The following ITGA4 variants were observed in gnomAD, a reference collection of about 807,000 sequenced individuals.
The protein encoded by ITGA4 is integrin subunit alpha 4.
Under a neutral mutation model 133.6 loss-of-function variants are expected in ITGA4, and 63 were observed. That is an observed-to-expected ratio of 0.47 (90% CI 0.38 to 0.58). The LOEUF (loss-of-function observed/expected upper bound fraction) is 0.58. Ranked by LOEUF, ITGA4 falls within the 20% of genes least tolerant of loss-of-function variation. The pLI is 0.00. For missense variants in ITGA4, 1,076 were observed against 1,252.7 expected (o/e 0.86, Z 2.13); for synonymous variants, 483 against 438.0 (o/e 1.10, Z -1.28).
intron 15 of ITGA4, among the ~76,000 whole-genome samples, chr2:181,507,068 A>G (rs1237242408): frequency 6.6e-6 from 1 of 152,158 alleles, no homozygotes; most frequent in Non-Finnish European, 1.5e-5. Context: ...TGAAACAGCC[A>G]TATGAAAAGT....
chr2:181,509,568 A>G, intron 15 of ITGA4, 90 bp from the exon 16 acceptor site: 1 of 879,956 alleles, frequency 1.1e-6, no homozygotes, highest in Non-Finnish European at 1.7e-6. Context: ...TTCCATGTAT[A>G]GTGTTTGGCC....
chr2:181,538,610 G>A lies in ITGA4; in HGVS notation c.*3083G>A, dbSNP rs1574425633. Among the ~76,000 whole-genome samples, 1 of 152,216 alleles carries A rather than the reference G, an allele frequency of 6.6e-6. No homozygotes were observed. Among genetic ancestry groups the A allele is most frequent in the Middle Eastern group, 3.4e-3 (1 of 294 alleles). On this transcript the variant is annotated 3_prime_UTR_variant, in exon 28 of 28. Coordinates refer to ENST00000397033, the MANE Select transcript of ITGA4 (RefSeq NM_000885.6). ...GTTCCTAAACCTGTTTATACCAGTT[G>A]CTATGTAAAATTGTTCCCAAGGGAA... is the stretch of plus-strand genomic sequence containing the variant.
At chr2:181,535,221 G>T (rs1445367050) in intron 27 of ITGA4, among the ~76,000 whole-genome samples, 1 of 152,066 alleles carries the variant, frequency 6.6e-6, no homozygotes, top group Non-Finnish European at 1.5e-5. Context: ...GTATCACTGA[G>T]AATTTCTGCA....
intron 2 of ITGA4, among the ~76,000 whole-genome samples, chr2:181,467,980 G>A (rs756205545): frequency 1.3e-5 from 2 of 152,190 alleles, no homozygotes; most frequent in Non-Finnish European, 2.9e-5. Context: ...TATTTTATGA[G>A]CCAGGTTATA....
intron 2 of ITGA4, among the ~76,000 whole-genome samples, chr2:181,470,240 GAAAAT>G (rs1244717655): frequency 6.6e-6 from 1 of 150,976 alleles, no homozygotes; most frequent in Non-Finnish European, 1.5e-5. Flanking sequence ...TATATCCAAA[GAAAAT>G]AAAATCAATA....
rs57180154 is a variant in ITGA4 at position 181,509,135 on chromosome 2, TAAAAAAAAAAAAAAAA to T, written c.1696-491_1696-476del. On this transcript the variant is annotated intron_variant, in intron 15 of 27. Coordinates refer to ENST00000397033, the MANE Select transcript of ITGA4 (RefSeq NM_000885.6). ...TGACAGAGGGACACATCCCATCTCT[TAAAAAAAAAAAAAAAA>T]AAAAAAAAAAAAAAAAAAAAAAAAA... 7.4e-3 allele frequency among the ~76,000 whole-genome samples: 330 copies of T among 44,674 alleles called. 14 individuals carry two copies. Among genetic ancestry groups the T allele is most frequent in the African/African-American group, 0.011 (114 of 9,952 alleles). 29.3% of individuals were successfully genotyped at this position (44,674 alleles called of 152,430 possible).
Position 181,534,927 on chromosome 2 carries a change from ATGTGG to A in ITGA4, c.2996_3000del (p.Met999LysfsTer6). 1 of 1,572,440 alleles carries A rather than the reference ATGTGG, an allele frequency of 6.4e-7. No homozygotes were observed. Among genetic ancestry groups the A allele is most frequent in the East Asian group, 2.3e-5 (1 of 44,184 alleles). On this transcript the variant is annotated frameshift_variant, in exon 27 of 28. Coordinates refer to ENST00000397033, the MANE Select transcript of ITGA4 (RefSeq NM_000885.6). LOFTEE classifies it high-confidence loss of function. Reference sequence around the variant, plus strand: ...TGTACTTCTATTGATCTCATATGTTATGTGGAAGGTAAGCATTTAACAATTACCAA... The same window carrying A: ...TGTACTTCTATTGATCTCATATGTTAAAGGTAAGCATTTAACAATTACCAA...
At position 181,474,320 on chromosome 2, in the gene ITGA4, T is replaced by G. The variant is rs1685624635; in HGVS notation, c.320-640T>G. Among the ~76,000 whole-genome samples the G allele has an allele frequency of 2.0e-5, 3 of 152,228 alleles. No homozygotes were observed. In the South Asian group the frequency reaches 6.2e-4, roughly 31 times the overall value. On this transcript the variant is annotated intron_variant, in intron 2 of 27. Coordinates refer to ENST00000397033, the MANE Select transcript of ITGA4 (RefSeq NM_000885.6). ...TTCATGCATTTGCCAAAGTATCTAT[T>G]GAAGTTTTTTGTTTACTACTGAGAT...
intron 18 of ITGA4, 62 bp downstream of exon 18, chr2:181,522,403 T>G: frequency 1.6e-6 from 2 of 1,216,296 alleles, no homozygotes; most frequent in Non-Finnish European, 1.1e-6. Context: ...TTTTTAAAAG[T>G]AAATGGTAGA....
At chr2:181,529,517 T>TA (rs753442309) in intron 22 of ITGA4, 24 bp from the exon 23 acceptor site, 2 of 1,191,136 alleles carry the variant, frequency 1.7e-6, no homozygotes, top group Non-Finnish European at 2.5e-6. Context: ...TTTAATTTGT[T>TA]AAAAAATTTT....
Position 181,535,018 on chromosome 2 carries a change from T to G in ITGA4, c.3003+83T>G. On this transcript the variant is annotated intron_variant, in intron 27 of 27. Transcript: ENST00000397033. ...AATTTGACTTCCAAGTTATTAGATT[T>G]AAATATTTCACTATTTGAATGTTAA... is the stretch of plus-strand genomic sequence containing the variant. The G allele has an allele frequency of 2.1e-6, 3 of 1,399,236 alleles. No individual in the cohort carries two copies. In the African/African-American group the frequency reaches 4.4e-5, roughly 20 times the overall value. 86.7% of individuals were successfully genotyped at this position (1,399,236 alleles called of 1,614,324 possible).
intron 20 of ITGA4, 33 bp downstream of exon 20, chr2:181,524,283 A>G (rs1686788257): frequency 1.7e-6 from 2 of 1,194,044 alleles, no homozygotes; most frequent in Admixed American, 4.3e-5. Flanking sequence ...TGAACTAGAA[A>G]TATACCCCCA....
Position 181,527,271 on chromosome 2 carries a change from A to G in ITGA4, c.2340-26A>G, listed in dbSNP as rs1176611416. 3.0e-6 allele frequency: 4 copies of G among 1,344,688 alleles called. No individual in the cohort carries two copies. In the East Asian group the frequency reaches 9.2e-5, roughly 31 times the overall value. The allele number at this position is 1,344,688 out of a possible 1,614,324, so 83.3% of individuals were successfully genotyped here. A position where few individuals can be genotyped will look rare whatever the true frequency, so the allele number is the denominator to read the frequency against. On this transcript the variant is annotated intron_variant, in intron 21 of 27. Coordinates refer to ENST00000397033, the MANE Select transcript of ITGA4 (RefSeq NM_000885.6). Reference sequence around the variant, plus strand: ...AATACGTCATCGAATAAGACAGTTAATTAAATTTGAATTTGTTTTTACCAG... The same window carrying G: ...AATACGTCATCGAATAAGACAGTTAGTTAAATTTGAATTTGTTTTTACCAG...
At chr2:181,509,923 TA>T in intron 16 of ITGA4, 116 bp downstream of exon 16, 1 of 694,116 alleles carries the variant, frequency 1.4e-6, no homozygotes, top group Non-Finnish European at 2.4e-6. Flanking sequence ...TACGAATTTT[TA>T]AAAACAAAAA....
chr2:181,501,269 T>G (rs962316835), intron 15 of ITGA4, among the ~76,000 whole-genome samples: 3 of 152,106 alleles, frequency 2.0e-5, no homozygotes, highest in Non-Finnish European at 4.4e-5. Flanking sequence ...AGAAGAGTAT[T>G]CCAGCGAGAA....
At chr2:181,480,675 G>T (rs2105732274) in intron 6 of ITGA4, among the ~76,000 whole-genome samples, 1 of 152,238 alleles carries the variant, frequency 6.6e-6, no homozygotes, top group African/African-American at 2.4e-5. Flanking sequence ...AGTAAGTATA[G>T]TTTCCTTAAG....
intron 17 of ITGA4, among the ~76,000 whole-genome samples, chr2:181,515,643 A>G (rs1574407057): frequency 1.3e-5 from 2 of 152,072 alleles, no homozygotes; most frequent in East Asian, 3.9e-4. Context: ...ATGTATTTCT[A>G]TTAGATAAAT....
At chr2:181,466,107 A>G (rs1318235574) in intron 2 of ITGA4, among the ~76,000 whole-genome samples, 1 of 151,998 alleles carries the variant, frequency 6.6e-6, no homozygotes, top group Non-Finnish European at 1.5e-5. Flanking sequence ...TTTCTGTGGG[A>G]TTTTGAAGAA....
At chr2:181,512,557 G>A (rs1289737958) in intron 17 of ITGA4, among the ~76,000 whole-genome samples, 1 of 152,072 alleles carries the variant, frequency 6.6e-6, no homozygotes, top group East Asian at 1.9e-4. Flanking sequence ...AAAGAATGGG[G>A]AGTCCCTGTA....
Sources: allele counts gnomAD v4.1 joint callset (sites outside exome capture counted in the v4.1 genomes callset), GRCh38; gene constraint gnomAD v4.1.1; transcripts MANE v1.5; gene names NCBI Gene and HGNC (gene_info 2026-07-23, HGNC 2026-07-21).